The following PTPRT variants were observed in gnomAD, a reference collection of about 807,000 sequenced individuals.
PTPRT encodes protein tyrosine phosphatase receptor type T.
A neutral mutation model predicts 176.8 loss-of-function variants in PTPRT; 56 were observed. That is an observed-to-expected ratio of 0.32 (90% CI 0.26 to 0.40). The LOEUF is 0.40. PTPRT is among the 10% of genes least tolerant of loss of function. The probability of loss-of-function intolerance (pLI) is 1.00; values close to 1 mark genes in which losing one functional copy is unlikely to be tolerated. For missense variants in PTPRT, 1,540 were observed against 1,908.2 expected (o/e 0.81, Z 3.60); for synonymous variants, 783 against 739.0 (o/e 1.06, Z -0.96).
chr20:42,463,162 C>A (rs192333145), intron 8 of PTPRT, among the ~76,000 whole-genome samples: 4 of 151,858 alleles, frequency 2.6e-5, no homozygotes, highest in African/African-American at 9.7e-5. Context: ...GACTTACTTT[C>A]CTTTGATTAA....
intron 16 of PTPRT, among the ~76,000 whole-genome samples, chr20:42,196,550 A>C (rs1600662338): frequency 6.6e-6 from 1 of 152,336 alleles, no homozygotes; most frequent in East Asian, 1.9e-4. Context: ...ACAGTACAAT[A>C]GAACATTAGA....
At chr20:42,699,191 T>C (rs2075934550) in intron 6 of PTPRT, among the ~76,000 whole-genome samples, 1 of 152,144 alleles carries the variant, frequency 6.6e-6, no homozygotes, top group Non-Finnish European at 1.5e-5. Flanking sequence ...TTTACACTGA[T>C]CACATCTGAA....
chr20:42,451,483 A>G (rs987711831), intron 8 of PTPRT, among the ~76,000 whole-genome samples: 2 of 152,268 alleles, frequency 1.3e-5, no homozygotes, highest in South Asian at 2.1e-4. Flanking sequence ...GTAGGCAGGG[A>G]ATAGATGGCA....
At chr20:43,012,747 C>G (rs1385403241) in intron 1 of PTPRT, among the ~76,000 whole-genome samples, 1 of 152,062 alleles carries the variant, frequency 6.6e-6, no homozygotes, top group African/African-American at 2.4e-5. Flanking sequence ...GGCTCCTTGG[C>G]AGCCCACAGG....
At chr20:42,579,659 G>T (rs1398279692) in intron 7 of PTPRT, among the ~76,000 whole-genome samples, 1 of 152,208 alleles carries the variant, frequency 6.6e-6, no homozygotes, top group Non-Finnish European at 1.5e-5. Context: ...CTGATGGCCA[G>T]TGATGATGAG....
chr20:42,574,654 G>T (rs1163308082), intron 7 of PTPRT, among the ~76,000 whole-genome samples: 1 of 152,110 alleles, frequency 6.6e-6, no homozygotes, highest in African/African-American at 2.4e-5. Context: ...AGGCTTCTAG[G>T]GCTTCAGCAA....
At chr20:42,150,665 T>C (rs1989086256) in intron 17 of PTPRT, among the ~76,000 whole-genome samples, 1 of 152,164 alleles carries the variant, frequency 6.6e-6, no homozygotes, top group Non-Finnish European at 1.5e-5. Context: ...GACTAAAATG[T>C]TTGAATATTT....
chr20:42,653,004 A>G (rs968504309), intron 7 of PTPRT, among the ~76,000 whole-genome samples: 1 of 152,170 alleles, frequency 6.6e-6, no homozygotes, highest in African/African-American at 2.4e-5. Flanking sequence ...CCAGCAGATA[A>G]ATAAGACTAA....
At chr20:42,404,524 GA>G (rs1442162796) in intron 9 of PTPRT, among the ~76,000 whole-genome samples, 1 of 152,150 alleles carries the variant, frequency 6.6e-6, no homozygotes, top group Non-Finnish European at 1.5e-5. Context: ...GGCACTTAGA[GA>G]ATGTGATGTG....
At chr20:42,976,834 C>T (rs1600614406) in intron 1 of PTPRT, among the ~76,000 whole-genome samples, 2 of 152,248 alleles carry the variant, frequency 1.3e-5, no homozygotes, top group South Asian at 2.1e-4. Flanking sequence ...GTTTATATGT[C>T]CATAAACATG....
intron 1 of PTPRT, among the ~76,000 whole-genome samples, chr20:43,106,752 G>A (rs900229848): frequency 4.6e-5 from 7 of 151,362 alleles, no homozygotes; most frequent in Non-Finnish European, 8.8e-5. Context: ...CGTATTTGTG[G>A]GAAAGTAAAC....
rs2015229027 is a variant in PTPRT at position 43,180,466 on chromosome 20, C to G, written c.88+9180G>C. ...GAGAGGGATATATATATATATACAC[C>G]CACATTTTTTTTTTCAAACAGAGTT... On this transcript the variant is annotated intron_variant, in intron 1 of 30. Coordinates refer to ENST00000373187, the MANE Select transcript of PTPRT (RefSeq NM_007050.6). Among the ~76,000 whole-genome samples the G allele has an allele frequency of 6.2e-5, 5 of 80,222 alleles. No individual in the cohort carries two copies. In the South Asian group the frequency reaches 2.4e-3, roughly 38 times the overall value. 52.6% of individuals were successfully genotyped at this position (80,222 alleles called of 152,430 possible). A position where few individuals can be genotyped will look rare whatever the true frequency, so the allele number is the denominator to read the frequency against.
intron 1 of PTPRT, among the ~76,000 whole-genome samples, chr20:43,170,263 T>C (rs1038593655): frequency 1.3e-5 from 2 of 152,204 alleles, no homozygotes; most frequent in Admixed American, 1.3e-4. Context: ...ATTTTATATA[T>C]GTTACTTCAT....
At chr20:42,618,963 G>A (rs1338338666) in intron 7 of PTPRT, among the ~76,000 whole-genome samples, 5 of 151,840 alleles carry the variant, frequency 3.3e-5, no homozygotes, top group African/African-American at 1.2e-4. Flanking sequence ...ATTTTTATAT[G>A]TGAATTTGAT....
chr20:42,666,092 TA>T (rs974546784), intron 7 of PTPRT, among the ~76,000 whole-genome samples: 2 of 150,386 alleles, frequency 1.3e-5, no homozygotes, highest in South Asian at 2.1e-4. Context: ...TAAAGTATAA[TA>T]AAAAAATAAA....
rs999591915 is a variant in PTPRT, at chr20:42,139,888, G to T, written c.2770+2027C>A. On this transcript the variant is annotated intron_variant, in intron 18 of 30. Coordinates refer to ENST00000373187, the MANE Select transcript of PTPRT (RefSeq NM_007050.6). The stretch of plus-strand genomic sequence containing the variant: ...GTGCCCATCACAGGGCCTGCTTTGA[G>T]GAGGCCCACATGTCATAAGTCTTAA... 3.3e-4 allele frequency among the ~76,000 whole-genome samples: 50 copies of T among 152,272 alleles called. 1 individual carries two copies. Among genetic ancestry groups the T allele is most frequent in the East Asian group, 9.6e-4 (5 of 5,204 alleles).
intron 17 of PTPRT, among the ~76,000 whole-genome samples, chr20:42,152,707 C>T (rs949616381): frequency 1.3e-5 from 2 of 152,192 alleles, no homozygotes; most frequent in East Asian, 1.9e-4. Context: ...CAGCTGTCTA[C>T]ACCCGTCTCC....
In PTPRT at chr20:42,217,378, C is replaced by CAT. The variant is rs1280826588; in HGVS notation, c.2343-17991_2343-17990insAT. Among the ~76,000 whole-genome samples the CAT allele has an allele frequency of 5.2e-5, 4 of 76,784 alleles. No homozygotes were observed. The East Asian group carries it at 1.7e-3, about 33-fold the overall frequency. 50.4% of individuals were successfully genotyped at this position (76,784 alleles called of 152,430 possible). A position where few individuals can be genotyped will look rare whatever the true frequency, so the allele number is the denominator to read the frequency against. On this transcript the variant is annotated intron_variant, in intron 15 of 30. Transcript: ENST00000373187. ...GGATAGAGTGAGACTCTCAAACATA[C>CAT]ACACACACACACACACACACACACA...
intron 12 of PTPRT, among the ~76,000 whole-genome samples, chr20:42,315,108 G>T (rs1433285704): frequency 1.4e-5 from 1 of 69,958 alleles, no homozygotes. Flanking sequence ...AACCCGGGAA[G>T]CGGAGCTTGC....
Sources: allele counts gnomAD v4.1 joint callset (sites outside exome capture counted in the v4.1 genomes callset), GRCh38; gene constraint gnomAD v4.1.1; transcripts MANE v1.5; gene names NCBI Gene and HGNC (gene_info 2026-07-23, HGNC 2026-07-21).